Variants in RNLS observed in about 807,000 individuals in gnomAD.
RNLS encodes renalase, FAD dependent amine oxidase, also known as renalase.
RNLS carries 39 observed loss-of-function variants against 39.8 expected under a neutral mutation model. The ratio of observed to expected loss-of-function variants is 0.98; its 90% CI spans 0.76 to 1.28. RNLS has a LOEUF of 1.28. Ranked by LOEUF, RNLS falls within the 50% of genes most tolerant of loss-of-function variation. RNLS has a pLI of 0.00. For synonymous variants in RNLS, 147 were observed against 150.7 expected (o/e 0.98, Z 0.18); for missense variants, 410 against 413.3 (o/e 0.99, Z 0.07).
At chr10:88,215,769 G>T in the RNLS span, among the ~76,000 whole-genome samples, 3 of 135,558 alleles carry the variant, frequency 2.2e-5, no homozygotes, top group Admixed American at 2.5e-4. Context: ...GCGTGATCTT[G>T]GCTCACTGCA....
chr10:88,411,045 T>TCC (rs1428455601), intron 4 of RNLS, among the ~76,000 whole-genome samples: 1 of 152,126 alleles, frequency 6.6e-6, no homozygotes, highest in East Asian at 1.9e-4. Context: ...GAGGCTAAAT[T>TCC]CTCATGATTC....
intron 4 of RNLS, among the ~76,000 whole-genome samples, chr10:88,468,051 G>A (rs931006621): frequency 6.6e-6 from 1 of 152,144 alleles, no homozygotes; most frequent in Non-Finnish European, 1.5e-5. Flanking sequence ...AATAAAAATA[G>A]ATAGGGAGTG....
intron 5 of RNLS, among the ~76,000 whole-genome samples, chr10:88,337,921 C>T (rs1167947904): frequency 6.6e-6 from 1 of 152,130 alleles, no homozygotes; most frequent in Non-Finnish European, 1.5e-5. Context: ...CTCCTCCTCC[C>T]ATCTCCCCCA....
chr10:88,376,504 A>G (rs542886167), intron 4 of RNLS, among the ~76,000 whole-genome samples: 1 of 152,298 alleles, frequency 6.6e-6, no homozygotes, highest in South Asian at 2.1e-4. Context: ...TTGCATTAGC[A>G]ATTGCAAATG....
chr10:88,260,254 TC>T, the RNLS span, among the ~76,000 whole-genome samples: 1 of 152,154 alleles, frequency 6.6e-6, no homozygotes, highest in Non-Finnish European at 1.5e-5. Flanking sequence ...TGCAGCCACT[TC>T]CCTGTGGCAG....
the RNLS span, among the ~76,000 whole-genome samples, chr10:88,182,990 A>C: frequency 0.026 from 3,981 of 152,182 alleles, 175 homozygotes; most frequent in African/African-American, 0.091. Flanking sequence ...TAAACTCATT[A>C]AACTTCAGCT....
chr10:88,297,983 T>C (rs375616044), intron 6 of RNLS, among the ~76,000 whole-genome samples: 2 of 150,856 alleles, frequency 1.3e-5, no homozygotes, highest in East Asian at 3.9e-4. Flanking sequence ...TCACATCCTC[T>C]CTAACACTTA....
intron 4 of RNLS, among the ~76,000 whole-genome samples, chr10:88,453,290 G>T (rs1327696112): frequency 1.3e-5 from 2 of 152,194 alleles, no homozygotes; most frequent in Admixed American, 6.5e-5. Context: ...CCCTCTAAGG[G>T]TCATATGTTC....
chr10:88,504,594 C>T (rs1845682283), intron 4 of RNLS, among the ~76,000 whole-genome samples: 1 of 151,210 alleles, frequency 6.6e-6, no homozygotes, highest in African/African-American at 2.4e-5. Context: ...AAAAGTAAAC[C>T]CTAAAAGGGA....
chr10:88,482,902 G>A (rs566862722), intron 4 of RNLS, among the ~76,000 whole-genome samples: 2 of 151,980 alleles, frequency 1.3e-5, no homozygotes, highest in South Asian at 4.1e-4. Flanking sequence ...TGATATCCCT[G>A]CTCAGTTTTC....
chr10:88,409,981 A>G (rs1407889237), intron 4 of RNLS, among the ~76,000 whole-genome samples: 1 of 152,116 alleles, frequency 6.6e-6, no homozygotes, highest in African/African-American at 2.4e-5. Context: ...GCAACTACTC[A>G]GCTCTGACAT....
intron 4 of RNLS, among the ~76,000 whole-genome samples, chr10:88,404,766 C>T (rs913309445): frequency 1.1e-4 from 16 of 151,994 alleles, no homozygotes; most frequent in Non-Finnish European, 7.4e-5. Context: ...TCAGCACTTC[C>T]CAAATTCTAC....
chr10:88,420,421 A>G (rs1307474977), intron 4 of RNLS, among the ~76,000 whole-genome samples: 1 of 152,190 alleles, frequency 6.6e-6, no homozygotes, highest in Non-Finnish European at 1.5e-5. Context: ...ATTCTTACAC[A>G]GTTTTGGAAG....
chr10:88,409,445 T>G (rs1211921752), intron 4 of RNLS, among the ~76,000 whole-genome samples: 1 of 152,138 alleles, frequency 6.6e-6, no homozygotes. Flanking sequence ...AATTTCAGTT[T>G]CAAATGATTT....
intron 4 of RNLS, among the ~76,000 whole-genome samples, chr10:88,537,178 CAAG>C (rs1438692851): frequency 1.3e-5 from 2 of 152,062 alleles, no homozygotes; most frequent in African/African-American, 4.8e-5. Context: ...CCTTTACTCA[CAAG>C]AAGAATTAAG....
At chr10:88,534,469 A>C (rs1366209168) in intron 4 of RNLS, among the ~76,000 whole-genome samples, 3 of 152,172 alleles carry the variant, frequency 2.0e-5, no homozygotes, top group African/African-American at 7.2e-5. Context: ...TTCTTCAATA[A>C]ATAAAGATTT....
intron 4 of RNLS, among the ~76,000 whole-genome samples, chr10:88,406,503 G>T (rs1853282041): frequency 6.6e-6 from 1 of 151,818 alleles, no homozygotes; most frequent in African/African-American, 2.4e-5. Flanking sequence ...TCTTCTACTT[G>T]TTCAATGCTA....
At chr10:88,210,216 G>A in the RNLS span, among the ~76,000 whole-genome samples, 1 of 152,188 alleles carries the variant, frequency 6.6e-6, no homozygotes, top group African/African-American at 2.4e-5. Flanking sequence ...TCCCCTGGGA[G>A]GGACTGAGAC....
At chr10:88,481,202 T>C (rs1844146530) in intron 4 of RNLS, among the ~76,000 whole-genome samples, 1 of 152,190 alleles carries the variant, frequency 6.6e-6, no homozygotes. Flanking sequence ...CTAGTGTCTT[T>C]GAATCTAAAT....
Sources: gnomAD v4.1 joint callset for allele counts (sites outside exome capture counted in the v4.1 genomes callset) on GRCh38, gnomAD v4.1.1 for gene constraint, MANE v1.5 for transcripts, NCBI Gene and HGNC (gene_info 2026-07-23, HGNC 2026-07-21) for gene names.